The following PANK1 variants were observed in gnomAD, a reference collection of about 807,000 sequenced individuals.
The protein encoded by PANK1 is pantothenic acid kinase 1.
In PANK1, 18 loss-of-function variants were observed where a neutral mutation model predicts 40.1. That is an observed-to-expected ratio of 0.45 (90% CI 0.31 to 0.67). The LOEUF is 0.67. Among genes scored for constraint, PANK1 ranks in the 30% least tolerant of loss-of-function variants. The probability of loss-of-function intolerance (pLI) is 0.06; values close to 1 mark genes in which losing one functional copy is unlikely to be tolerated. For missense variants in PANK1, 457 were observed against 599.6 expected (o/e 0.76, Z 2.48); for synonymous variants, 242 against 237.7 (o/e 1.02, Z -0.17).
At chr10:89,603,736 T>C (rs1844855604) in intron 2 of PANK1, among the ~76,000 whole-genome samples, 1 of 152,140 alleles carries the variant, frequency 6.6e-6, no homozygotes, top group African/African-American at 2.4e-5. Flanking sequence ...TGCATCAGAA[T>C]CACCTGGAGG....
At chr10:89,631,356 T>G (rs1219746452) in intron 1 of PANK1, among the ~76,000 whole-genome samples, 2 of 152,246 alleles carry the variant, frequency 1.3e-5, no homozygotes, top group African/African-American at 4.8e-5. Context: ...TTTCCTCTTG[T>G]GGCTAAATTA....
chr10:89,644,978 C>G lies in PANK1; in HGVS notation c.-87G>C. 6.3e-7 allele frequency: 1 copy of G among 1,576,434 alleles called. No individual in the cohort carries two copies. ...TCCGGCGTCTTTATTTCCCCGGATCCTCCCTGCGGCTTCCGATTCAGCAGC... is the reference window on the plus strand; with the variant it reads ...TCCGGCGTCTTTATTTCCCCGGATCGTCCCTGCGGCTTCCGATTCAGCAGC... On this transcript the variant is annotated 5_prime_UTR_variant, in exon 1 of 7. Coordinates refer to ENST00000307534, the MANE Select transcript of PANK1 (RefSeq NM_148977.3).
At chr10:89,643,576 G>T in intron 1 of PANK1, 1 of 697,420 alleles carries the variant, frequency 1.4e-6, no homozygotes, top group Non-Finnish European at 2.5e-6. Context: ...GAAAAGTGAA[G>T]GTGTTATTTG....
At chr10:89,642,593 T>A (rs1210259755) in intron 1 of PANK1, among the ~76,000 whole-genome samples, 1 of 152,252 alleles carries the variant, frequency 6.6e-6, no homozygotes, top group Non-Finnish European at 1.5e-5. Flanking sequence ...TACCTAAATA[T>A]TCCTCTTAGA....
rs996112253 is a variant in PANK1 at position 89,611,506 on chromosome 10, C to T, written c.645+190G>A. Reference sequence around the variant, plus strand: ...CCAGGTACATATTATCTCATTTAATCCTACATGTAACAACCCTATGAGGTA... The same window carrying T: ...CCAGGTACATATTATCTCATTTAATTCTACATGTAACAACCCTATGAGGTA... On this transcript the variant is annotated intron_variant, in intron 2 of 6. Coordinates refer to ENST00000307534, the MANE Select transcript of PANK1 (RefSeq NM_148977.3). Among the ~76,000 whole-genome samples, 3 of 152,136 alleles carry T rather than the reference C, an allele frequency of 2.0e-5. No homozygotes were observed. The East Asian group carries it at 5.8e-4, about 29-fold the overall frequency.
In PANK1 at chr10:89,593,992, G is replaced by A. The variant is rs1326620045; in HGVS notation, c.900-3C>T. On this transcript the variant is annotated splice_region_variant and splice_polypyrimidine_tract_variant and intron_variant, in intron 3 of 6. Transcript: ENST00000307534. ...CTAGGAATGTTCCACCTCCAAGACT[G>A]AAGGAATAATAAGGTTTATTTTTAA... is the stretch of plus-strand genomic sequence containing the variant. The A allele has an allele frequency of 2.5e-6, 4 of 1,606,052 alleles. No homozygotes were observed. The highest frequency in any genetic ancestry group is 2.7e-5 in the African/African-American group (2 of 74,726).
intron 1 of PANK1, chr10:89,644,098 C>T (rs1289923189): frequency 4.1e-6 from 1 of 241,212 alleles, no homozygotes; most frequent in African/African-American, 2.2e-5. Flanking sequence ...AAACTCCACG[C>T]CTCCAGACTT....
chr10:89,614,608 G>A (rs7916319), intron 1 of PANK1, among the ~76,000 whole-genome samples: 82,397 of 151,588 alleles, frequency 0.54, 23,231 homozygotes, highest in South Asian at 0.63. Flanking sequence ...GACCAGCCTG[G>A]GCAACATGAC....
At chr10:89,634,510 T>G (rs1382853401) in intron 1 of PANK1, among the ~76,000 whole-genome samples, 1 of 152,214 alleles carries the variant, frequency 6.6e-6, no homozygotes, top group Non-Finnish European at 1.5e-5. Context: ...CAAAGGAAGA[T>G]TCCAGAGTCT....
At chr10:89,616,746 C>A (rs1215922568) in intron 1 of PANK1, among the ~76,000 whole-genome samples, 1 of 152,096 alleles carries the variant, frequency 6.6e-6, no homozygotes, top group African/African-American at 2.4e-5. Flanking sequence ...CATAGTGAAA[C>A]CCTATCTCTA....
At chr10:89,586,727 A>T (rs1844206760) in intron 6 of PANK1, among the ~76,000 whole-genome samples, 1 of 152,168 alleles carries the variant, frequency 6.6e-6, no homozygotes, top group South Asian at 2.1e-4. Flanking sequence ...GAGATTAGAT[A>T]CCTCCAGTGA....
intron 1 of PANK1, among the ~76,000 whole-genome samples, chr10:89,621,029 C>T (rs139622186): frequency 6.6e-5 from 10 of 152,270 alleles, no homozygotes; most frequent in African/African-American, 2.4e-4. Context: ...AGGCCGGGTG[C>T]GGTGGTTCAC....
At chr10:89,638,213 T>G (rs1009896905) in intron 1 of PANK1, among the ~76,000 whole-genome samples, 1 of 152,254 alleles carries the variant, frequency 6.6e-6, no homozygotes, top group Non-Finnish European at 1.5e-5. Context: ...ATTTTTCAGT[T>G]CCATTATAAT....
chr10:89,612,049 C>A lies in PANK1; in HGVS notation c.293-1G>T. 1 of 1,609,558 alleles carries A rather than the reference C, an allele frequency of 6.2e-7. No individual in the cohort carries two copies. Among genetic ancestry groups the A allele is most frequent in the Non-Finnish European group, 8.5e-7 (1 of 1,177,896 alleles). ...ATGTCCATGCCAAACCATGGGAATG[C>A]TAAAGGACAGAAAGAAAGAGTGCTG... On this transcript the variant is annotated splice_acceptor_variant, in intron 1 of 6. Transcript: ENST00000307534. LOFTEE classifies it high-confidence loss of function.
At chr10:89,599,112 C>T (rs1844698147) in intron 3 of PANK1, 140 bp downstream of exon 3, 1 of 713,782 alleles carries the variant, frequency 1.4e-6, no homozygotes, top group Admixed American at 2.7e-5. Flanking sequence ...CTTTAACACA[C>T]CATTTGATAA....
chr10:89,644,180 C>T (rs993294644), intron 1 of PANK1, among the ~76,000 whole-genome samples: 3 of 152,084 alleles, frequency 2.0e-5, no homozygotes, highest in Non-Finnish European at 4.4e-5. Context: ...CAGTAGGACG[C>T]GCTCAGAGAA....
At chr10:89,591,479 C>T (rs1203770888) in intron 5 of PANK1, among the ~76,000 whole-genome samples, 1 of 152,090 alleles carries the variant, frequency 6.6e-6, no homozygotes, top group Non-Finnish European at 1.5e-5. Flanking sequence ...ACGTGGTGTC[C>T]CTCAATGAAA....
At chr10:89,587,989 C>T (rs1844255114) in intron 6 of PANK1, among the ~76,000 whole-genome samples, 1 of 152,088 alleles carries the variant, frequency 6.6e-6, no homozygotes, top group Non-Finnish European at 1.5e-5. Flanking sequence ...TTTCCTCTAC[C>T]CGCCAGCCTC....
chr10:89,632,830 C>T lies in PANK1; in HGVS notation c.292+11770G>A, dbSNP rs78393709. Among the ~76,000 whole-genome samples, 1,417 of 152,214 alleles carry T rather than the reference C, an allele frequency of 9.3e-3. 9 individuals are homozygous for T. Among genetic ancestry groups the T allele is most frequent in the Non-Finnish European group, 0.016 (1,068 of 68,008 alleles). The stretch of plus-strand genomic sequence containing the variant: ...CGATGTGATTCCAAAGAAATTCTAC[C>T]CTCATACCAACCACAGTGACCCCTG... On this transcript the variant is annotated intron_variant, in intron 1 of 6. Transcript: ENST00000307534.
Sources: gnomAD v4.1 joint callset for allele counts (sites outside exome capture counted in the v4.1 genomes callset) on GRCh38, gnomAD v4.1.1 for gene constraint, MANE v1.5 for transcripts, NCBI Gene and HGNC (gene_info 2026-07-23, HGNC 2026-07-21) for gene names.